Variants in IQGAP2 observed in about 807,000 individuals in gnomAD.
IQGAP2 encodes the protein ras GTPase-activating-like protein IQGAP2.
IQGAP2 carries 173 observed loss-of-function variants against 201.3 expected under a neutral mutation model. The ratio of observed to expected loss-of-function variants is 0.86; its 90% CI spans 0.76 to 0.98. IQGAP2 has a LOEUF of 0.98. Ranked by LOEUF, IQGAP2 falls within the 50% of genes least tolerant of loss-of-function variation. The pLI is 0.00. For missense variants in IQGAP2, 1,687 were observed against 1,864.8 expected (o/e 0.90, Z 1.76); for synonymous variants, 675 against 673.9 (o/e 1.00, Z -0.03).
Position 76,654,199 on chromosome 5 carries a change from G to T in IQGAP2, c.2179-1G>T. ...CTTTTCTATTTTTTAAAACCTTTCA[G>T]ATTCAGTCCTGGTTCCGAATGGCAA... On this transcript the variant is annotated splice_acceptor_variant, in intron 18 of 35. Coordinates refer to ENST00000274364, the MANE Select transcript of IQGAP2 (RefSeq NM_006633.5). LOFTEE classifies it high-confidence loss of function. The T allele has an allele frequency of 6.3e-7, 1 of 1,599,954 alleles. No individual in the cohort carries two copies. The highest frequency in any genetic ancestry group is 8.5e-7 in the Non-Finnish European group (1 of 1,171,778).
chr5:76,672,374 T>C (rs1170197614), intron 24 of IQGAP2, among the ~76,000 whole-genome samples: 2 of 152,162 alleles, frequency 1.3e-5, no homozygotes, highest in African/African-American at 4.8e-5. Flanking sequence ...GGGTGGGTGG[T>C]TGTAGATTTA....
intron 2 of IQGAP2, among the ~76,000 whole-genome samples, chr5:76,493,142 T>G (rs1212973827): frequency 1.3e-5 from 2 of 152,134 alleles, no homozygotes; most frequent in Non-Finnish European, 2.9e-5. Context: ...TGCTCTGTTC[T>G]CAACATGGCA....
chr5:76,462,390 A>G (rs748883936), intron 2 of IQGAP2, among the ~76,000 whole-genome samples: 2 of 152,176 alleles, frequency 1.3e-5, no homozygotes, highest in Non-Finnish European at 2.9e-5. Flanking sequence ...CTAAAATCAC[A>G]TTGACTCTTT....
chr5:76,576,464 T>A (rs984058209), intron 5 of IQGAP2, among the ~76,000 whole-genome samples: 3 of 152,230 alleles, frequency 2.0e-5, no homozygotes, highest in Non-Finnish European at 4.4e-5. Context: ...AGTTTGTGGC[T>A]GTTGTCTTGA....
At chr5:76,409,342 GT>G (rs1750979934) in intron 1 of IQGAP2, among the ~76,000 whole-genome samples, 1 of 146,920 alleles carries the variant, frequency 6.8e-6, no homozygotes, top group Admixed American at 7.1e-5. Flanking sequence ...TGCTTCCCGG[GT>G]TCAAGCAATT....
At chr5:76,431,382 T>G (rs766560400) in intron 1 of IQGAP2, among the ~76,000 whole-genome samples, 3 of 152,298 alleles carry the variant, frequency 2.0e-5, no homozygotes, top group African/African-American at 7.2e-5. Flanking sequence ...TTGGTAAACA[T>G]TTTTCTTCCT....
chr5:76,509,696 C>G (rs770037298), intron 2 of IQGAP2, among the ~76,000 whole-genome samples: 2 of 151,954 alleles, frequency 1.3e-5, no homozygotes, highest in Non-Finnish European at 2.9e-5. Context: ...GCCCAGATTC[C>G]TTGTCCTTTT....
intron 2 of IQGAP2, among the ~76,000 whole-genome samples, chr5:76,558,066 A>C (rs1025037359): frequency 6.6e-6 from 1 of 152,090 alleles, no homozygotes; most frequent in African/African-American, 2.4e-5. Context: ...GCGCCTCCCA[A>C]AGCGTTGGGA....
chr5:76,693,410 GA>G lies in IQGAP2; in HGVS notation c.3964del (p.Ile1322SerfsTer2). On this transcript the variant is annotated frameshift_variant, in exon 31 of 36. Transcript: ENST00000274364. LOFTEE classifies it high-confidence loss of function. ...IRNQPGNTLT[E>X]ILETPATAQQ... Reference sequence around the variant, plus strand: ...GAACCAGCCAGGGAACACATTGACAGAAATCTTAGAGACACCAGCAACTGCG... The same window carrying G: ...GAACCAGCCAGGGAACACATTGACAGAATCTTAGAGACACCAGCAACTGCG... The G allele has an allele frequency of 1.9e-6, 3 of 1,613,644 alleles. No homozygotes were observed. Among genetic ancestry groups the G allele is most frequent in the Non-Finnish European group, 2.5e-6 (3 of 1,179,596 alleles).
intron 33 of IQGAP2, among the ~76,000 whole-genome samples, chr5:76,699,751 TG>T (rs1236818323): frequency 9.3e-5 from 3 of 32,400 alleles, no homozygotes; most frequent in South Asian, 1.0e-3. Context: ...CTCACTCTCG[TG>T]CTCTCTCTCT....
In IQGAP2 at chr5:76,409,106, AAAAC is replaced by A. The variant is rs928265796; in HGVS notation, c.46+5527_46+5530del. 2.0e-4 allele frequency among the ~76,000 whole-genome samples: 26 copies of A among 131,442 alleles called. 1 individual carries two copies. Among genetic ancestry groups the A allele is most frequent in the South Asian group, 7.6e-4 (3 of 3,952 alleles). The allele number at this position is 131,442 out of a possible 152,430, so 86.2% of individuals were successfully genotyped here. ...CCACGCCCAGTGAGACCCCATCTCT[AAAAC>A]AAACAAACAAAAAACAACAACACAA... is the stretch of plus-strand genomic sequence containing the variant. On this transcript the variant is annotated intron_variant, in intron 1 of 35. Coordinates refer to ENST00000274364, the MANE Select transcript of IQGAP2 (RefSeq NM_006633.5).
At chr5:76,493,619 C>CT (rs1206541664) in intron 2 of IQGAP2, among the ~76,000 whole-genome samples, 3 of 151,984 alleles carry the variant, frequency 2.0e-5, no homozygotes, top group Non-Finnish European at 2.9e-5. Context: ...ATAGGTGGCT[C>CT]TTTTTTTGGA....
intron 17 of IQGAP2, among the ~76,000 whole-genome samples, chr5:76,647,726 G>A (rs463079): frequency 0.64 from 97,363 of 151,336 alleles, 31,591 homozygotes; most frequent in South Asian, 0.82. Context: ...ACAGGCTCTA[G>A]TGAAAGCCTG....
chr5:76,457,460 A>G (rs1754166408), intron 1 of IQGAP2, among the ~76,000 whole-genome samples: 1 of 152,216 alleles, frequency 6.6e-6, no homozygotes, highest in Non-Finnish European at 1.5e-5. Context: ...TTGTTTAATA[A>G]AAACTTTGAG....
At chr5:76,634,039 A>C (rs1750923054) in intron 15 of IQGAP2, among the ~76,000 whole-genome samples, 1 of 151,940 alleles carries the variant, frequency 6.6e-6, no homozygotes, top group African/African-American at 2.4e-5. Context: ...TTTTCGTACA[A>C]CTGATTTTTG....
At position 76,673,980 on chromosome 5, in the gene IQGAP2, C is replaced by T; in HGVS notation, c.3238C>T (p.Leu1080=). ...PYGLRYIAKV[L]KNSIHEKFPD... is the part of the protein sequence containing the mutation. Reference sequence around the variant, plus strand: ...TGGATTGAGGTATATAGCCAAAGTACTGAAGAATTCGATCCATGAGAAATT... The same window carrying T: ...TGGATTGAGGTATATAGCCAAAGTATTGAAGAATTCGATCCATGAGAAATT... The change falls in exon 26 of 36, where the codon CTG becomes TTG. Residue 1080 remains leucine, a synonymous_variant. Transcript: ENST00000274364. 6.2e-7 allele frequency: 1 copy of T among 1,605,772 alleles called. No homozygotes were observed. Among genetic ancestry groups the T allele is most frequent in the Non-Finnish European group, 8.5e-7 (1 of 1,172,532 alleles).
intron 1 of IQGAP2, among the ~76,000 whole-genome samples, chr5:76,436,857 T>C (rs1190470673): frequency 6.6e-6 from 1 of 151,838 alleles, no homozygotes; most frequent in Non-Finnish European, 1.5e-5. Flanking sequence ...TAATTCTGTT[T>C]ATGTGATGTA....
At chr5:76,523,349 T>C (rs181853775) in intron 2 of IQGAP2, among the ~76,000 whole-genome samples, 59 of 152,286 alleles carry the variant, frequency 3.9e-4, no homozygotes, top group African/African-American at 1.4e-3. Flanking sequence ...CTTGGCTTCC[T>C]AAATTGCTGG....
chr5:76,598,686 T>TA (rs1747208879), intron 10 of IQGAP2, among the ~76,000 whole-genome samples: 1 of 152,174 alleles, frequency 6.6e-6, no homozygotes, highest in Admixed American at 6.5e-5. Context: ...TGCTGACAGT[T>TA]ACGTTCTAGA....
Sources: gnomAD v4.1 joint callset for allele counts (sites outside exome capture counted in the v4.1 genomes callset) on GRCh38, gnomAD v4.1.1 for gene constraint, MANE v1.5 for transcripts, NCBI Gene and HGNC (gene_info 2026-07-23, HGNC 2026-07-21) for gene names.